FEZ2: variants seen among roughly 807,000 people sequenced by gnomAD.
FEZ2 encodes the protein fasciculation and elongation protein zeta-2.
Under a neutral mutation model 40.4 loss-of-function variants are expected in FEZ2, and 51 were observed. That is an observed-to-expected ratio of 1.26 (90% CI 1.01 to 1.59). FEZ2 has a LOEUF of 1.59. Ranked by LOEUF, FEZ2 falls within the 40% of genes most tolerant of loss-of-function variation. FEZ2 has a pLI of 0.00. For missense variants in FEZ2, 640 were observed against 438.3 expected (o/e 1.46, Z -4.11); for synonymous variants, 242 against 172.0 (o/e 1.41, Z -3.18).
chr2:36,572,110 T>G (rs1319634240), intron 5 of FEZ2, among the ~76,000 whole-genome samples: 1 of 152,108 alleles, frequency 6.6e-6, no homozygotes, highest in Admixed American at 6.5e-5. Context: ...AACCACATTT[T>G]ATCACTGTGT....
intron 5 of FEZ2, chr2:36,558,792 G>A (rs141838255): frequency 1.7e-5 from 4 of 241,306 alleles, no homozygotes; most frequent in African/African-American, 8.9e-5. Flanking sequence ...CTAAGTCTGA[G>A]GATGGTTTAC....
intron 1 of FEZ2, among the ~76,000 whole-genome samples, chr2:36,597,506 G>A (rs1669260994): frequency 6.6e-6 from 1 of 152,230 alleles, no homozygotes; most frequent in African/African-American, 2.4e-5. Flanking sequence ...CACTCAGCAG[G>A]TGCTTAATAA....
chr2:36,557,288 G>A (rs760814631), intron 6 of FEZ2: 4 of 152,080 alleles, frequency 2.6e-5, no homozygotes, highest in Non-Finnish European at 4.4e-5. Flanking sequence ...GAAAATAAGA[G>A]GGCTAGCTAC....
intron 1 of FEZ2, among the ~76,000 whole-genome samples, chr2:36,594,192 C>G (rs1382219512): frequency 6.6e-6 from 1 of 152,070 alleles, no homozygotes; most frequent in African/African-American, 2.4e-5. Flanking sequence ...CAACAAGTCT[C>G]TAGGAAGTTC....
rs547509204 is a variant in FEZ2 at position 36,560,963 on chromosome 2, G to T, written c.904-2450C>A. 4 of 634,256 alleles carry T rather than the reference G, an allele frequency of 6.3e-6. No individual in the cohort carries two copies. In the East Asian group the frequency reaches 8.7e-5, roughly 14 times the overall value. The allele number at this position is 634,256 out of a possible 1,614,324, so 39.3% of individuals were successfully genotyped here. ...CCATGATGACTTATGTGCCCAAGAG[G>T]CAAGCAGTTAGAAAATGCCACTACT... On this transcript the variant is annotated intron_variant, in intron 5 of 7. Transcript: ENST00000405912.
intron 2 of FEZ2, among the ~76,000 whole-genome samples, chr2:36,587,796 T>TA (rs557810920): frequency 3.7e-4 from 55 of 149,682 alleles, no homozygotes; most frequent in African/African-American, 3.9e-4. Flanking sequence ...TTTGCCAGAT[T>TA]AAAAAAAAAA....
intron 1 of FEZ2, among the ~76,000 whole-genome samples, chr2:36,592,787 C>A (rs1669108461): frequency 6.6e-6 from 1 of 152,084 alleles, no homozygotes; most frequent in Non-Finnish European, 1.5e-5. Context: ...TGTACTCCAG[C>A]CTGGGAGACA....
intron 5 of FEZ2, among the ~76,000 whole-genome samples, chr2:36,563,991 C>G (rs891712563): frequency 6.6e-6 from 1 of 152,190 alleles, no homozygotes; most frequent in African/African-American, 2.4e-5. Context: ...TCAGATGCTG[C>G]TGTGCCTCTG....
chr2:36,567,716 C>T (rs575830503), intron 5 of FEZ2, among the ~76,000 whole-genome samples: 10 of 150,914 alleles, frequency 6.6e-5, no homozygotes, highest in Non-Finnish European at 1.5e-4. Flanking sequence ...GAGCCAAGAT[C>T]GCACCATTGC....
At chr2:36,585,079 G>A (rs1449591337) in intron 2 of FEZ2, among the ~76,000 whole-genome samples, 1 of 152,064 alleles carries the variant, frequency 6.6e-6, no homozygotes, top group Admixed American at 6.5e-5. Flanking sequence ...GTGGAAAAAA[G>A]GAGAATCTAA....
At chr2:36,576,110 T>C (rs1175437502) in intron 5 of FEZ2, among the ~76,000 whole-genome samples, 4 of 152,186 alleles carry the variant, frequency 2.6e-5, no homozygotes, top group Admixed American at 2.0e-4. Flanking sequence ...GCATGTGATA[T>C]AAAATGCTTG....
At chr2:36,589,404 T>A (rs559005556) in intron 2 of FEZ2, among the ~76,000 whole-genome samples, 3 of 152,340 alleles carry the variant, frequency 2.0e-5, no homozygotes, top group Non-Finnish European at 4.4e-5. Context: ...AGGCCATGGC[T>A]AAATGACCAT....
At chr2:36,561,001 G>A (rs1573001887) in intron 5 of FEZ2, 2 of 512,226 alleles carry the variant, frequency 3.9e-6, no homozygotes, top group East Asian at 6.0e-5. Flanking sequence ...TCCAGATAAA[G>A]CACATAAACC....
At position 36,581,327 on chromosome 2, in the gene FEZ2, T is replaced by C. The variant is rs755921231; in HGVS notation, c.597A>G (p.Gln199=). 13 of 1,613,788 alleles carry C rather than the reference T, an allele frequency of 8.1e-6. No individual in the cohort carries two copies. The East Asian group carries it at 1.1e-4, about 14-fold the overall frequency. ...DRLSMLSQEI[Q]TLKRSSTGSY... ...TGCCGGTACTAGACCTCTTGAGAGTTTGAATTTCCTGGGAAAGCATTGAAA... is the reference window on the plus strand; with the variant it reads ...TGCCGGTACTAGACCTCTTGAGAGTCTGAATTTCCTGGGAAAGCATTGAAA... Residue 199 remains glutamine, a synonymous_variant, in exon 4 of 8, where the codon CAA becomes CAG. Transcript: ENST00000405912.
In FEZ2 at chr2:36,552,328, G is replaced by A; in HGVS notation, c.*835C>T. 1.0e-5 allele frequency: 4 copies of A among 400,464 alleles called. No homozygotes were observed. Among genetic ancestry groups the A allele is most frequent in the Non-Finnish European group, 1.9e-5 (4 of 205,144 alleles). The allele number at this position is 400,464 out of a possible 1,614,324, so 24.8% of individuals were successfully genotyped here. On this transcript the variant is annotated 3_prime_UTR_variant, in exon 8 of 8. Coordinates refer to ENST00000405912, the MANE Select transcript of FEZ2 (RefSeq NM_005102.3). Reference sequence around the variant, plus strand: ...AACCAGCAAAAGTGCTCATGATATTGATGAATCCATAAGTAGCTGTATCTA... The same window carrying A: ...AACCAGCAAAAGTGCTCATGATATTAATGAATCCATAAGTAGCTGTATCTA...
At chr2:36,553,200 T>C in intron 7 of FEZ2, 21 bp from the exon 8 acceptor site, 2 of 1,530,040 alleles carry the variant, frequency 1.3e-6, no homozygotes, top group Non-Finnish European at 1.8e-6. Context: ...AAGAGAACTT[T>C]TAGCTACAAA....
At chr2:36,571,375 T>G (rs1276852086) in intron 5 of FEZ2, among the ~76,000 whole-genome samples, 1 of 152,180 alleles carries the variant, frequency 6.6e-6, no homozygotes, top group East Asian at 1.9e-4. Flanking sequence ...AGAATGCGTA[T>G]CAGAGCCGGG....
Position 36,579,298 on chromosome 2 carries a change from T to C in FEZ2, c.635-433A>G, listed in dbSNP as rs143912371. On this transcript the variant is annotated intron_variant, in intron 4 of 7. Coordinates refer to ENST00000405912, the MANE Select transcript of FEZ2 (RefSeq NM_005102.3). The stretch of plus-strand genomic sequence containing the variant: ...TATCTCTGAACAGGAAAGGAGTTGA[T>C]CTGAAAGAATTAAACTAAATATACA... 3.9e-3 allele frequency among the ~76,000 whole-genome samples: 595 copies of C among 152,324 alleles called. 8 individuals are homozygous for C. The highest frequency in any genetic ancestry group is 0.013 in the African/African-American group (556 of 41,570).
In FEZ2 at chr2:36,586,287, G is replaced by A. The variant is rs963254770; in HGVS notation, c.376-2818C>T. Among the ~76,000 whole-genome samples, 7 of 152,136 alleles carry A rather than the reference G, an allele frequency of 4.6e-5. No individual in the cohort carries two copies. In the South Asian group the frequency reaches 8.3e-4, roughly 18 times the overall value. On this transcript the variant is annotated intron_variant, in intron 2 of 7. Coordinates refer to ENST00000405912, the MANE Select transcript of FEZ2 (RefSeq NM_005102.3). ...TCCTATGTTGCAACTTGAGGACCAT[G>A]ATTTTGTTTTATTTTTCCCCTTCTG... is the stretch of plus-strand genomic sequence containing the variant.
Sources: gnomAD v4.1 joint callset for allele counts (sites outside exome capture counted in the v4.1 genomes callset) on GRCh38, gnomAD v4.1.1 for gene constraint, MANE v1.5 for transcripts, NCBI Gene and HGNC (gene_info 2026-07-23, HGNC 2026-07-21) for gene names.